DYNC1LI1: variants seen among roughly 807,000 people sequenced by gnomAD.
DYNC1LI1 encodes the protein cytoplasmic dynein 1 light intermediate chain 1.
DYNC1LI1 carries 19 observed loss-of-function variants against 63.8 expected under a neutral mutation model. The observed-to-expected ratio is 0.30, with a 90% confidence interval of 0.21 to 0.44. The LOEUF is 0.44. DYNC1LI1 is among the 20% of genes least tolerant of loss of function. The pLI is 1.00. For synonymous variants in DYNC1LI1, 225 were observed against 232.3 expected (o/e 0.97, Z 0.28); for missense variants, 565 against 630.2 (o/e 0.90, Z 1.11).
At chr3:32,544,610 A>C (rs1382465459) in intron 4 of DYNC1LI1, among the ~76,000 whole-genome samples, 2 of 152,104 alleles carry the variant, frequency 1.3e-5, no homozygotes, top group African/African-American at 2.4e-5. Context: ...TCTACTAAAA[A>C]TACAAAAATT....
chr3:32,550,815 G>C (rs1228011778), intron 2 of DYNC1LI1, among the ~76,000 whole-genome samples: 1 of 152,054 alleles, frequency 6.6e-6, no homozygotes, highest in Non-Finnish European at 1.5e-5. Context: ...TGATACTGCT[G>C]GTACAGAAGC....
In DYNC1LI1 at chr3:32,570,427, G is replaced by A; in HGVS notation, c.147-8C>T. ...TCGCTGAGGATGCAGGACCTAACGG[G>A]AAGCAAGGCGTACGGTGAGGCCGGA... On this transcript the variant is annotated splice_polypyrimidine_tract_variant and splice_region_variant and intron_variant, in intron 1 of 12. Coordinates refer to ENST00000273130, the MANE Select transcript of DYNC1LI1 (RefSeq NM_016141.4). 1 of 1,594,684 alleles carries A rather than the reference G, an allele frequency of 6.3e-7. No homozygotes were observed. The highest frequency in any genetic ancestry group is 8.5e-7 in the Non-Finnish European group (1 of 1,172,548).
chr3:32,528,112 C>CAAAAAAAAAAAAAAAAAAAAAAAAAAA (rs60912161), intron 12 of DYNC1LI1, among the ~76,000 whole-genome samples: 2 of 29,900 alleles, frequency 6.7e-5, no homozygotes, highest in East Asian at 1.0e-3. Context: ...GACTCCATCT[C>CAAAAAAAAAAAAAAAAAAAAAAAAAAA]AAAAAAAAAA....
At chr3:32,544,283 T>C (rs764067207) in intron 4 of DYNC1LI1, among the ~76,000 whole-genome samples, 2 of 152,146 alleles carry the variant, frequency 1.3e-5, no homozygotes, top group Non-Finnish European at 2.9e-5. Flanking sequence ...AATTAAAAAA[T>C]GAAACTGCTG....
intron 4 of DYNC1LI1, 100 bp from the exon 5 acceptor site, chr3:32,541,306 G>A (rs988765267): frequency 2.6e-6 from 2 of 768,064 alleles, no homozygotes; most frequent in African/African-American, 3.5e-5. Context: ...TTTATACTTA[G>A]TCTTGTGTAA....
intron 2 of DYNC1LI1, among the ~76,000 whole-genome samples, chr3:32,560,709 A>G (rs549539515): frequency 2.0e-5 from 3 of 152,218 alleles, no homozygotes; most frequent in South Asian, 4.1e-4. Flanking sequence ...TGAATTAAAA[A>G]TAACATTTAG....
intron 2 of DYNC1LI1, among the ~76,000 whole-genome samples, chr3:32,557,657 C>A (rs936494684): frequency 6.6e-6 from 1 of 152,072 alleles, no homozygotes; most frequent in Admixed American, 6.5e-5. Context: ...ACACAACACA[C>A]CTAATAGTTC....
chr3:32,527,637 A>G (rs1370395876), intron 12 of DYNC1LI1, among the ~76,000 whole-genome samples: 3 of 152,204 alleles, frequency 2.0e-5, no homozygotes, highest in Admixed American at 2.0e-4. Flanking sequence ...GAGTTACTAC[A>G]CAACCCAATA....
intron 2 of DYNC1LI1, among the ~76,000 whole-genome samples, chr3:32,569,452 AAAC>A (rs768374013): frequency 2.8e-4 from 43 of 152,270 alleles, no homozygotes; most frequent in Admixed American, 8.5e-4. Context: ...GATATAACCA[AAAC>A]AACAACAACA....
intron 2 of DYNC1LI1, among the ~76,000 whole-genome samples, chr3:32,551,777 T>C (rs937938860): frequency 1.3e-5 from 2 of 152,190 alleles, no homozygotes; most frequent in African/African-American, 2.4e-5. Context: ...CCATCCTCTT[T>C]ACCAGCTGCC....
intron 4 of DYNC1LI1, among the ~76,000 whole-genome samples, chr3:32,541,801 T>G (rs1182617920): frequency 6.6e-6 from 1 of 152,174 alleles, no homozygotes; most frequent in African/African-American, 2.4e-5. Context: ...ATCAAGAGAC[T>G]TGAAAATGTA....
chr3:32,528,559 CTG>C lies in DYNC1LI1; in HGVS notation c.1347_1348del (p.Asn449LysfsTer5). The stretch of plus-strand genomic sequence containing the variant: ...AGAGCCAGTCTTTTTACTCAACAAA[CTG>C]TTGAAGAAATTTGCCAGAACGCCTT... On this transcript the variant is annotated frameshift_variant, in exon 12 of 13. Transcript: ENST00000273130. LOFTEE classifies it high-confidence loss of function. 6.2e-7 allele frequency: 1 copy of C among 1,613,552 alleles called. No homozygotes were observed. Among genetic ancestry groups the C allele is most frequent in the Non-Finnish European group, 8.5e-7 (1 of 1,179,726 alleles).
chr3:32,562,895 A>C (rs772624981), intron 2 of DYNC1LI1, among the ~76,000 whole-genome samples: 17 of 152,174 alleles, frequency 1.1e-4, no homozygotes, highest in Non-Finnish European at 2.1e-4. Flanking sequence ...CGCCATATCT[A>C]AACTGCCTCG....
intron 2 of DYNC1LI1, among the ~76,000 whole-genome samples, chr3:32,549,704 C>G (rs904062740): frequency 4.6e-5 from 7 of 151,970 alleles, no homozygotes; most frequent in African/African-American, 1.7e-4. Flanking sequence ...CTTTAATTCC[C>G]ACTTTAAATG....
intron 2 of DYNC1LI1, among the ~76,000 whole-genome samples, chr3:32,547,319 G>A (rs1453941669): frequency 2.0e-5 from 3 of 152,136 alleles, no homozygotes; most frequent in Non-Finnish European, 4.4e-5. Flanking sequence ...GTATTTAAAT[G>A]CTACTTACAT....
chr3:32,528,613 TA>T lies in DYNC1LI1; in HGVS notation c.1307-13del. The T allele has an allele frequency of 6.3e-7, 1 of 1,583,566 alleles. No individual in the cohort carries two copies. Among genetic ancestry groups the T allele is most frequent in the South Asian group, 1.2e-5 (1 of 85,456 alleles). ...ACTTGTAGCTCCAGCTATAAAAAAA[TA>T]AAAAAACAAAAAGCTTTAGCCAAAA... On this transcript the variant is annotated splice_polypyrimidine_tract_variant and intron_variant, in intron 11 of 12. Transcript: ENST00000273130.
chr3:32,561,447 C>A (rs1698192157), intron 2 of DYNC1LI1, among the ~76,000 whole-genome samples: 1 of 150,736 alleles, frequency 6.6e-6, no homozygotes, highest in African/African-American at 2.4e-5. Flanking sequence ...GCTAACACAG[C>A]GAAACCCCGT....
chr3:32,538,138 G>C (rs1697826039), intron 5 of DYNC1LI1, among the ~76,000 whole-genome samples: 1 of 122,302 alleles, frequency 8.2e-6, no homozygotes, highest in Non-Finnish European at 1.6e-5. Flanking sequence ...ACAGGGTGCA[G>C]TGGTATGTGC....
In DYNC1LI1 at chr3:32,570,367, C is replaced by T; in HGVS notation, c.199G>A (p.Gly67Arg). Residue 67 changes from glycine to arginine, a missense_variant, in exon 2 of 13, where the codon GGG (glycine) becomes AGG (arginine). Coordinates refer to ENST00000273130, the MANE Select transcript of DYNC1LI1 (RefSeq NM_016141.4). ...STRSRSKLPA[G>R]KNVLLLGEDG... The stretch of plus-strand genomic sequence containing the variant: ...TTACCCAGCAGTAGCACGTTCTTCC[C>T]CGCAGGGAGCTTGGAGCGCGAGCGG... 6.2e-7 allele frequency: 1 copy of T among 1,601,898 alleles called. No homozygotes were observed. The highest frequency in any genetic ancestry group is 8.5e-7 in the Non-Finnish European group (1 of 1,174,478).
Sources: gnomAD v4.1 joint callset for allele counts (sites outside exome capture counted in the v4.1 genomes callset) on GRCh38, gnomAD v4.1.1 for gene constraint, MANE v1.5 for transcripts, NCBI Gene and HGNC (gene_info 2026-07-23, HGNC 2026-07-21) for gene names.